The following KYAT3 variants were observed in gnomAD, a reference collection of about 807,000 sequenced individuals.
The protein encoded by KYAT3 is kynurenine aminotransferase 3.
KYAT3 carries 50 observed loss-of-function variants against 59.0 expected under a neutral mutation model. The observed-to-expected ratio is 0.85, with a 90% CI of 0.68 to 1.07. The LOEUF is 1.07. KYAT3 is among the 50% of genes least tolerant of loss of function. The pLI, the probability that KYAT3 is intolerant of heterozygous loss-of-function variation, is 0.00. For synonymous variants in KYAT3, 148 were observed against 177.0 expected, an observed-to-expected ratio of 0.84 and a Z score of 1.30; for missense variants, 497 against 533.3, an observed-to-expected ratio of 0.93 and a Z score of 0.67.
At chr1:88,927,072 T>A in the KYAT3 span, among the ~76,000 whole-genome samples, 1 of 152,124 alleles carries the variant, frequency 6.6e-6, no homozygotes, top group South Asian at 2.1e-4. Context: ...GCGTAACTAA[T>A]CCGATAAGCA....
chr1:88,965,455 C>T (rs1676311874), intron 4 of KYAT3, among the ~76,000 whole-genome samples: 1 of 152,146 alleles, frequency 6.6e-6, no homozygotes, highest in Admixed American at 6.5e-5. Context: ...ACGACACGAA[C>T]ACTAGTGTTG....
chr1:88,986,837 A>C (rs1213832160), intron 2 of KYAT3, among the ~76,000 whole-genome samples: 1 of 152,158 alleles, frequency 6.6e-6, no homozygotes, highest in Non-Finnish European at 1.5e-5. Context: ...CTTTTGTAAC[A>C]CTGGCCAGTG....
chr1:88,926,503 A>G, the KYAT3 span, among the ~76,000 whole-genome samples: 14 of 152,098 alleles, frequency 9.2e-5, no homozygotes, highest in Admixed American at 4.6e-4. Flanking sequence ...TTTTGTATAG[A>G]CAGGATCTCA....
chr1:88,930,664 A>G, the KYAT3 span, among the ~76,000 whole-genome samples: 1 of 152,234 alleles, frequency 6.6e-6, no homozygotes, highest in African/African-American at 2.4e-5. Flanking sequence ...TAAGGGAAGA[A>G]AAAAGGTAAA....
At chr1:88,952,235 C>A (rs11579178) in intron 10 of KYAT3, among the ~76,000 whole-genome samples, 31 of 152,048 alleles carry the variant, frequency 2.0e-4, no homozygotes, top group Admixed American at 2.0e-3. Context: ...TGTAATCAAT[C>A]GTCTGTAGAT....
intron 10 of KYAT3, 121 bp downstream of exon 10, chr1:88,952,942 A>G (rs912459579): frequency 1.6e-5 from 10 of 623,134 alleles, no homozygotes; most frequent in African/African-American, 1.3e-4. Flanking sequence ...ATTCCAAATT[A>G]TATTAGAAGG....
chr1:88,981,082 TA>T (rs1228707532), intron 2 of KYAT3: 1 of 152,192 alleles, frequency 6.6e-6, no homozygotes, highest in Non-Finnish European at 1.5e-5. Context: ...AGCAATAAAC[TA>T]AAACTTGTTT....
chr1:88,949,008 G>T, intron 11 of KYAT3, 83 bp downstream of exon 11: 1 of 1,172,636 alleles, frequency 8.5e-7, no homozygotes, highest in South Asian at 1.9e-5. Context: ...CTGTGGCTTT[G>T]ACACCAATCT....
At position 88,953,770 on chromosome 1, in the gene KYAT3, T is replaced by G. The variant is rs572861094; in HGVS notation, c.865-618A>C. On this transcript the variant is annotated intron_variant, in intron 9 of 13. Transcript: ENST00000260508. ...TCTGATATTCTGGAAGATTAAAAAC[T>G]GGTAACAAAGCTTGTTTGAATTACA... Among the ~76,000 whole-genome samples, 266 of 152,286 alleles carry G rather than the reference T, an allele frequency of 1.7e-3. 1 individual carries two copies. Among genetic ancestry groups the G allele is most frequent in the Non-Finnish European group, 3.1e-3 (211 of 68,024 alleles).
intron 1 of KYAT3, among the ~76,000 whole-genome samples, chr1:88,991,043 A>G (rs1677762980): frequency 6.6e-6 from 1 of 152,250 alleles, no homozygotes; most frequent in Admixed American, 6.5e-5. Context: ...ACGTGATCTA[A>G]TTATAGCATA....
intron 12 of KYAT3, 104 bp from the exon 13 acceptor site, chr1:88,943,195 C>T (rs1402346090): frequency 6.6e-6 from 7 of 1,066,034 alleles, no homozygotes; most frequent in Non-Finnish European, 7.0e-6. Context: ...TAAATAGTCA[C>T]AATAATTTCC....
chr1:88,961,208 T>C lies in KYAT3; in HGVS notation c.746A>G (p.Tyr249Cys), dbSNP rs1676125099. 1 of 1,613,666 alleles carries C rather than the reference T, an allele frequency of 6.2e-7. No homozygotes were observed. Among genetic ancestry groups the C allele is most frequent in the Non-Finnish European group, 8.5e-7 (1 of 1,179,872 alleles). ...YDTLCISDEV[Y>C]EWLVYSGNKH... The stretch of plus-strand genomic sequence containing the variant: ...ATTTCCAGAATATACAAGCCATTCA[T>C]AAACCTCATCGCTGATGCAGAGTGT... Residue 249 changes from tyrosine to cysteine, a missense_variant, in exon 8 of 14, where the codon TAT becomes TGT. This residue lies in a region of KYAT3 where 469 missense variants were observed against 479.1 expected (regional missense o/e 0.98). Coordinates refer to ENST00000260508, the MANE Select transcript of KYAT3 (RefSeq NM_001008661.3).
chr1:88,951,719 G>A (rs1447119975), intron 10 of KYAT3, among the ~76,000 whole-genome samples: 1 of 151,050 alleles, frequency 6.6e-6, no homozygotes, highest in East Asian at 1.9e-4. Flanking sequence ...TTTTATCTCA[G>A]TACAGTAATT....
chr1:88,965,128 A>C (rs572755088), intron 4 of KYAT3, 150 bp from the exon 5 acceptor site: 6 of 587,802 alleles, frequency 1.0e-5, no homozygotes, highest in East Asian at 3.2e-5. Flanking sequence ...AATGGCAATA[A>C]ATTTTTTAAA....
intron 4 of KYAT3, among the ~76,000 whole-genome samples, chr1:88,968,233 G>A (rs576504427): frequency 8.5e-5 from 13 of 152,244 alleles, no homozygotes; most frequent in African/African-American, 3.1e-4. Context: ...TCAAAGGTAC[G>A]TCTGATCTAG....
At chr1:88,990,882 A>G (rs916020976) in intron 1 of KYAT3, among the ~76,000 whole-genome samples, 1 of 152,240 alleles carries the variant, frequency 6.6e-6, no homozygotes, top group African/African-American at 2.4e-5. Flanking sequence ...TGAGATAAAT[A>G]CATTAAATTT....
chr1:88,935,155 A>G (rs369334865), downstream of KYAT3, among the ~76,000 whole-genome samples: 4 of 149,072 alleles, frequency 2.7e-5, no homozygotes, highest in African/African-American at 1.0e-4. Context: ...CACCACGCCC[A>G]GCCAATTTTT....
chr1:88,925,482 C>A, the KYAT3 span, among the ~76,000 whole-genome samples: 1 of 152,210 alleles, frequency 6.6e-6, no homozygotes, highest in Non-Finnish European at 1.5e-5. Context: ...AAGCTCTACG[C>A]TGTGTCCTGA....
Position 88,945,511 on chromosome 1 carries a change from G to T in KYAT3, c.1142-2088C>A, listed in dbSNP as rs570170390. On this transcript the variant is annotated intron_variant, in intron 11 of 13. Coordinates refer to ENST00000260508, the MANE Select transcript of KYAT3 (RefSeq NM_001008661.3). ...GTTGATTAACTTCAGTAAATTACTT[G>T]ATTCTCTATCTCCTCTTCTCTATCA... 8.5e-5 allele frequency among the ~76,000 whole-genome samples: 13 copies of T among 152,274 alleles called. No homozygotes were observed. The South Asian group carries it at 2.7e-3, about 32-fold the overall frequency.
Sources: gnomAD v4.1 joint callset for allele counts (sites outside exome capture counted in the v4.1 genomes callset) on GRCh38, gnomAD v4.1.1 for gene constraint, gnomAD v4.1.1 regional missense constraint, MANE v1.5 for transcripts, NCBI Gene and HGNC (gene_info 2026-07-23, HGNC 2026-07-21) for gene names.